The following HOXB13 variants were observed in gnomAD, a reference collection of about 807,000 sequenced individuals.
The protein encoded by HOXB13 is homeobox B13.
HOXB13 carries 22 observed loss-of-function variants against 23.1 expected under a neutral mutation model. The observed-to-expected ratio is 0.95, with a 90% CI of 0.68 to 1.36. The LOEUF (loss-of-function observed/expected upper bound fraction) is 1.36. HOXB13 is among the 40% of genes most tolerant of loss of function. The pLI is 0.00. For synonymous variants in HOXB13, 173 were observed against 157.9 expected (o/e 1.10, Z -0.72); for missense variants, 386 against 376.2 (o/e 1.03, Z -0.22).
rs764201750 is a variant in HOXB13, at chr17:48,726,895, C to G, written c.750G>C (p.Ser250=). Reference sequence around the variant, plus strand: ...GGCGCTCCGAGAGGCTGGTGGCTGCCGAGATCTTGCGCCTCTTGTCCTTGG... The same window carrying G: ...GGCGCTCCGAGAGGCTGGTGGCTGCGGAGATCTTGCGCCTCTTGTCCTTGG... ...FITKDKRRKI[S]AATSLSERQI... The change falls in exon 2 of 2, where the codon TCG becomes TCC. Residue 250 remains serine (S), a synonymous_variant. Coordinates refer to ENST00000290295, the MANE Select transcript of HOXB13 (RefSeq NM_006361.6). The G allele has an allele frequency of 1.9e-6, 3 of 1,614,090 alleles. No individual in the cohort carries two copies. Among genetic ancestry groups the G allele is most frequent in the Middle Eastern group, 1.6e-4 (1 of 6,062 alleles).
chr17:48,728,384 G>C lies in HOXB13; in HGVS notation c.210C>G (p.Pro70=). ...PKQCHPCPGV[P]QGTSPAPVPY... is the part of the protein sequence containing the mutation. ...GCACGGGAGCTGGGGACGTCCCCTG[G>C]GGCACCCCAGGGCATGGGTGGCATT... Residue 70 remains proline, a synonymous_variant, in exon 1 of 2, where the codon CCC becomes CCG. Coordinates refer to ENST00000290295, the MANE Select transcript of HOXB13 (RefSeq NM_006361.6). 6.2e-7 allele frequency: 1 copy of C among 1,613,810 alleles called. No individual in the cohort carries two copies. The highest frequency in any genetic ancestry group is 8.5e-7 in the Non-Finnish European group (1 of 1,179,986).
chr17:48,726,470 A>T lies in HOXB13; in HGVS notation c.*320T>A, dbSNP rs146552906. On this transcript the variant is annotated 3_prime_UTR_variant, in exon 2 of 2. Coordinates refer to ENST00000290295, the MANE Select transcript of HOXB13 (RefSeq NM_006361.6). Reference sequence around the variant, plus strand: ...TCTAAAGTGCTCTACAGAGCTCTAGATAGAAAATATGAGGCTAACGATCAT... The same window carrying T: ...TCTAAAGTGCTCTACAGAGCTCTAGTTAGAAAATATGAGGCTAACGATCAT... 1 of 366,528 alleles carries T rather than the reference A, an allele frequency of 2.7e-6. No individual in the cohort carries two copies. The highest frequency in any genetic ancestry group is 4.1e-5 in the Admixed American group (1 of 24,162). The allele number at this position is 366,528 out of a possible 1,614,324, so 22.7% of individuals were successfully genotyped here. A position where few individuals can be genotyped will look rare whatever the true frequency, so the allele number is the denominator to read the frequency against.
rs1597935362 is a variant in HOXB13, at chr17:48,728,574, G to A, written c.20C>T (p.Ala7Val). The change falls in exon 1 of 2, where the codon GCC becomes GTC. Residue 7 changes from alanine to valine, a missense_variant. Transcript: ENST00000290295. ...GATATCCTTGGCTCCATCCAAGGTG[G>A]CATAATTGCCGGGCTCCATGGAGCC... Reference protein sequence around the residue: MEPGNYATLDGAKDIEG... With the variant: MEPGNYVTLDGAKDIEG... 1 of 1,612,400 alleles carries A rather than the reference G, an allele frequency of 6.2e-7. No individual in the cohort carries two copies. Among genetic ancestry groups the A allele is most frequent in the South Asian group, 1.1e-5 (1 of 91,026 alleles).
chr17:48,727,072 A>G (rs768924627), intron 1 of HOXB13, 29 bp from the exon 2 acceptor site: 5 of 1,599,098 alleles, frequency 3.1e-6, no homozygotes, highest in Non-Finnish European at 4.2e-6. Flanking sequence ...AGGGAGGAAA[A>G]GGCATGGTCA....
chr17:48,726,860 A>T lies in HOXB13; in HGVS notation c.785T>A (p.Ile262Asn). The T allele has an allele frequency of 6.2e-7, 1 of 1,613,982 alleles. No homozygotes were observed. The highest frequency in any genetic ancestry group is 8.5e-7 in the Non-Finnish European group (1 of 1,179,980). The change falls in exon 2 of 2, where the codon ATC (isoleucine) becomes AAC (asparagine). Residue 262 changes from isoleucine (I) to asparagine (N), a missense_variant. Ile to Asn is a moderately radical substitution (Grantham distance 149). Transcript: ENST00000290295. The part of the protein sequence containing the change: ...ATSLSERQIT[I>N]WFQNRRVKEK... Reference sequence around the variant, plus strand: ...TTTGACCCGGCGGTTCTGAAACCAGATGGTAATCTGGCGCTCCGAGAGGCT... The same window carrying T: ...TTTGACCCGGCGGTTCTGAAACCAGTTGGTAATCTGGCGCTCCGAGAGGCT...
rs1597932894 is a variant in HOXB13, at chr17:48,726,991, C to T, written c.654G>A (p.Lys218=). ...PDACAFRRGR[K]KRIPYSKGQL... is the part of the protein sequence containing the mutation. ...GCCCCTTGCTGTACGGAATGCGTTT[C>T]TTGCGGCCGCGACGAAAGGCGCAGG... is the stretch of plus-strand genomic sequence containing the variant. The change falls in exon 2 of 2, where the codon AAG becomes AAA. Residue 218 remains lysine, a synonymous_variant. Transcript: ENST00000290295. The T allele has an allele frequency of 6.2e-7, 1 of 1,612,108 alleles. No homozygotes were observed. Among genetic ancestry groups the T allele is most frequent in the South Asian group, 1.1e-5 (1 of 91,080 alleles).
rs1222612816 is a variant in HOXB13, at chr17:48,725,004, G to C, written c.*1786C>G. On this transcript the variant is annotated 3_prime_UTR_variant, in exon 2 of 2. Coordinates refer to ENST00000290295, the MANE Select transcript of HOXB13 (RefSeq NM_006361.6). ...TCATCTATCTTGCCCCCTCCCCACA[G>C]GCCCATCTGCGCTGAACTCTCGCCA... 4.6e-6 allele frequency: 1 copy of C among 216,616 alleles called. No individual in the cohort carries two copies. The highest frequency in any genetic ancestry group is 5.8e-5 in the Admixed American group (1 of 17,138). The allele number at this position is 216,616 out of a possible 1,614,324, so 13.4% of individuals were successfully genotyped here.
chr17:48,728,307 G>T lies in HOXB13; in HGVS notation c.287C>A (p.Ser96Ter). Reference sequence around the variant, plus strand: ...GGCTGCCTGGGCACAGGGTTTCAGCGAGCTCCGGGACACTCGGCAGGAGTA... The same window carrying T: ...GGCTGCCTGGGCACAGGGTTTCAGCTAGCTCCGGGACACTCGGCAGGAGTA... ...GYYSCRVSRS[S>*]LKPCAQAATL... is the part of the protein sequence containing the mutation. Residue 96 changes from serine to a stop codon, truncating the protein, a stop_gained, in exon 1 of 2, where the codon TCG becomes TAG. Coordinates refer to ENST00000290295, the MANE Select transcript of HOXB13 (RefSeq NM_006361.6). LOFTEE classifies it high-confidence loss of function. 6.2e-7 allele frequency: 1 copy of T among 1,614,104 alleles called. No homozygotes were observed. Among genetic ancestry groups the T allele is most frequent in the South Asian group, 1.1e-5 (1 of 91,086 alleles).
rs915384119 is a variant in HOXB13 at position 48,728,706 on chromosome 17, G to T, written c.-113C>A. The T allele has an allele frequency of 2.3e-5, 24 of 1,027,808 alleles. No homozygotes were observed. The highest frequency in any genetic ancestry group is 6.4e-4 in the Middle Eastern group (2 of 3,118). 63.7% of individuals were successfully genotyped at this position (1,027,808 alleles called of 1,614,324 possible). On this transcript the variant is annotated 5_prime_UTR_variant, in exon 1 of 2. It introduces an in-frame stop codon into an upstream open reading frame of the 5' UTR. Transcript: ENST00000290295. ...AAGCGTTTTAAATCGCTCCCAGCTC[G>T]CAAGTCGCCTGCATTCGCTCAGCAC...
chr17:48,724,979 T>G lies in HOXB13; in HGVS notation c.*1811A>C. On this transcript the variant is annotated 3_prime_UTR_variant, in exon 2 of 2. Transcript: ENST00000290295. ...TCACCCCGCACCATGCCGCTCCCCC[T>G]CATCTATCTTGCCCCCTCCCCACAG... 4.0e-6 allele frequency: 1 copy of G among 251,674 alleles called. No individual in the cohort carries two copies. The highest frequency in any genetic ancestry group is 7.5e-6 in the Non-Finnish European group (1 of 134,152). 15.6% of individuals were successfully genotyped at this position (251,674 alleles called of 1,614,324 possible).
At position 48,724,964 on chromosome 17, in the gene HOXB13, C is replaced by A. The variant is rs2038191306; in HGVS notation, c.*1826G>T. On this transcript the variant is annotated 3_prime_UTR_variant, in exon 2 of 2. Transcript: ENST00000290295. ...CCTCTCTCCAAGGGGTCACCCCGCACCATGCCGCTCCCCCTCATCTATCTT... is the reference window on the plus strand; with the variant it reads ...CCTCTCTCCAAGGGGTCACCCCGCAACATGCCGCTCCCCCTCATCTATCTT... The A allele has an allele frequency of 3.6e-6, 1 of 278,960 alleles. No individual in the cohort carries two copies. Among genetic ancestry groups the A allele is most frequent in the Admixed American group, 5.3e-5 (1 of 19,046 alleles). 17.3% of individuals were successfully genotyped at this position (278,960 alleles called of 1,614,324 possible). A position where few individuals can be genotyped will look rare whatever the true frequency, so the allele number is the denominator to read the frequency against.
intron 1 of HOXB13, 148 bp from the exon 2 acceptor site, chr17:48,727,191 TACC>T: frequency 9.9e-7 from 1 of 1,008,484 alleles, no homozygotes; most frequent in Non-Finnish European, 1.4e-6. Context: ...CTCCAAAGCA[TACC>T]AGGACAGCAC....
At position 48,726,987 on chromosome 17, in the gene HOXB13, G is replaced by GT. The variant is rs1597932893; in HGVS notation, c.657dup (p.Arg220ThrfsTer19). 4.3e-6 allele frequency: 7 copies of GT among 1,612,390 alleles called. No homozygotes were observed. The highest frequency in any genetic ancestry group is 5.9e-6 in the Non-Finnish European group (7 of 1,180,014). On this transcript the variant is annotated frameshift_variant, in exon 2 of 2. Coordinates refer to ENST00000290295, the MANE Select transcript of HOXB13 (RefSeq NM_006361.6). LOFTEE classifies it high-confidence loss of function. ...AACTGCCCCTTGCTGTACGGAATGC[G>GT]TTTCTTGCGGCCGCGACGAAAGGCG... is the stretch of plus-strand genomic sequence containing the variant.
At position 48,726,939 on chromosome 17, in the gene HOXB13, C is replaced by T. The variant is rs2143066759; in HGVS notation, c.706G>A (p.Ala236Thr). 6.2e-7 allele frequency: 1 copy of T among 1,613,930 alleles called. No homozygotes were observed. The highest frequency in any genetic ancestry group is 8.5e-7 in the Non-Finnish European group (1 of 1,180,022). ...TCCTTGGTGATGAACTTGTTAGCCGCATACTCCCGCTCCAGCTCCCGCAAC... is the reference window on the plus strand; with the variant it reads ...TCCTTGGTGATGAACTTGTTAGCCGTATACTCCCGCTCCAGCTCCCGCAAC... The part of the protein sequence containing the change: ...GQLRELEREY[A>T]ANKFITKDKR... Residue 236 changes from alanine to threonine, a missense_variant, in exon 2 of 2, where the codon GCG becomes ACG. Coordinates refer to ENST00000290295, the MANE Select transcript of HOXB13 (RefSeq NM_006361.6).
chr17:48,727,918 C>T, intron 1 of HOXB13, 75 bp downstream of exon 1: 1 of 1,518,782 alleles, frequency 6.6e-7, no homozygotes, highest in Non-Finnish European at 8.9e-7. Flanking sequence ...CTCCCTCCTC[C>T]TCCTCCCAGG....
chr17:48,724,834 G>C lies in HOXB13; in HGVS notation c.*1956C>G. The C allele has an allele frequency of 2.0e-6, 1 of 500,682 alleles. No individual in the cohort carries two copies. The highest frequency in any genetic ancestry group is 3.1e-6 in the Non-Finnish European group (1 of 320,852). 31.0% of individuals were successfully genotyped at this position (500,682 alleles called of 1,614,324 possible). A position where few individuals can be genotyped will look rare whatever the true frequency, so the allele number is the denominator to read the frequency against. ...TCAAGTTTAAGTTTCTGATAGCAGA[G>C]TGTGGGAGTTAGAGCATGGGGAGTC... On this transcript the variant is annotated 3_prime_UTR_variant, in exon 2 of 2. Transcript: ENST00000290295.
chr17:48,727,862 A>T, intron 1 of HOXB13, 131 bp downstream of exon 1: 2 of 1,153,054 alleles, frequency 1.7e-6, no homozygotes, highest in South Asian at 3.0e-5. Context: ...TCAGAGTCCT[A>T]ATAACCAAGG....
Position 48,728,249 on chromosome 17 carries a change from C to G in HOXB13, c.345G>C (p.Thr115=), listed in dbSNP as rs758798025. The G allele has an allele frequency of 1.2e-6, 2 of 1,614,062 alleles. No homozygotes were observed. The highest frequency in any genetic ancestry group is 2.2e-5 in the South Asian group (2 of 91,092). ...GGCGGCTGGGGTACTCTTCCCCGGC[C>G]GTGGGAGTCTCCGCGGGGTACGCGG... ...TLAAYPAETP[T]AGEEYPSRPT... is the part of the protein sequence containing the mutation. Residue 115 remains threonine, a synonymous_variant, in exon 1 of 2, where the codon ACG becomes ACC. Transcript: ENST00000290295.
intron 1 of HOXB13, 76 bp downstream of exon 1, chr17:48,727,917 C>T: frequency 4.0e-6 from 6 of 1,516,828 alleles, no homozygotes; most frequent in Non-Finnish European, 5.3e-6. Context: ...TCTCCCTCCT[C>T]CTCCTCCCAG....
Sources: allele counts gnomAD v4.1 joint callset, GRCh38; gene constraint gnomAD v4.1.1; transcripts MANE v1.5; gene names NCBI Gene and HGNC (gene_info 2026-07-23, HGNC 2026-07-21).